Variants in PCLO observed in about 807,000 individuals in gnomAD.
The protein encoded by PCLO is protein piccolo.
In PCLO, 82 loss-of-function variants were observed where a neutral mutation model predicts 427.5. The observed-to-expected ratio is 0.19, with a 90% CI of 0.16 to 0.23. The LOEUF (loss-of-function observed/expected upper bound fraction) is 0.23. PCLO is among the 10% of genes least tolerant of loss of function. The probability of loss-of-function intolerance (pLI) is 1.00; values close to 1 mark genes in which losing one functional copy is unlikely to be tolerated. For synonymous variants in PCLO, 2,357 were observed against 2,155.4 expected, an observed-to-expected ratio of 1.09 and a Z score of -2.59; for missense variants, 6,239 against 6,115.9, an observed-to-expected ratio of 1.02 and a Z score of -0.67.
At chr7:82,882,483 G>A (rs1465250229) in intron 9 of PCLO, among the ~76,000 whole-genome samples, 2 of 152,058 alleles carry the variant, frequency 1.3e-5, no homozygotes. Context: ...TTCACAGTAT[G>A]ACAGCATACA....
intron 3 of PCLO, among the ~76,000 whole-genome samples, chr7:82,978,587 G>A (rs141376617): frequency 3.0e-4 from 46 of 151,880 alleles, no homozygotes; most frequent in African/African-American, 1.1e-3. Flanking sequence ...GCAAAAATAC[G>A]ATGAATATAT....
In PCLO at chr7:82,935,872, C is replaced by G. The variant is rs116713492; in HGVS notation, c.11112+13604G>C. ...AGCTGGCAAAAACTGACAGAATCAA[C>G]CTTTCTGGAACTCTGGAATCCAATC... On this transcript the variant is annotated intron_variant, in intron 6 of 24. Transcript: ENST00000333891. Among the ~76,000 whole-genome samples the G allele has an allele frequency of 6.4e-3, 973 of 151,758 alleles. 15 individuals carry two copies. The highest frequency in any genetic ancestry group is 0.022 in the African/African-American group (911 of 41,506).
chr7:83,024,485 C>G lies in PCLO; in HGVS notation c.3301-57998G>C, dbSNP rs371896069. ...CACGGAGTCTCGCTGATTGCTAGCA[C>G]GGCAGTCTGAGATCAGACTGCAATG... On this transcript the variant is annotated intron_variant, in intron 3 of 24. Transcript: ENST00000333891. Among the ~76,000 whole-genome samples, 25 of 152,272 alleles carry G rather than the reference C, an allele frequency of 1.6e-4. 1 individual carries two copies. The South Asian group carries it at 5.2e-3, about 32-fold the overall frequency.
chr7:83,092,386 A>C (rs1481516845), intron 3 of PCLO, among the ~76,000 whole-genome samples: 1 of 119,814 alleles, frequency 8.3e-6, no homozygotes, highest in Non-Finnish European at 1.8e-5. Flanking sequence ...GTGAAGACCC[A>C]TGGACCCGGC....
At chr7:83,038,012 TATATATATATATA>T (rs1788846141) in intron 3 of PCLO, among the ~76,000 whole-genome samples, 1 of 46,650 alleles carries the variant, frequency 2.1e-5, no homozygotes, top group Non-Finnish European at 3.4e-5. Context: ...TATATATATA[TATATATATATATA>T]TATATTTATA....
intron 7 of PCLO, chr7:82,914,216 T>A (rs867061951): frequency 2.0e-5 from 5 of 254,724 alleles, no homozygotes; most frequent in Middle Eastern, 2.6e-3. Context: ...ACTGATCTCA[T>A]AAACATGCCA....
At chr7:83,140,151 C>G (rs1242443464) in intron 2 of PCLO, among the ~76,000 whole-genome samples, 5 of 152,072 alleles carry the variant, frequency 3.3e-5, no homozygotes, top group Non-Finnish European at 7.4e-5. Flanking sequence ...CTCAGTTACC[C>G]AAGTTCAAAA....
At chr7:82,845,563 G>A (rs1409017715) in intron 12 of PCLO, 78 bp from the exon 13 acceptor site, 2 of 934,968 alleles carry the variant, frequency 2.1e-6, no homozygotes, top group Non-Finnish European at 1.7e-6. Flanking sequence ...TGAGTTCTAG[G>A]TGACAAAGGT....
At chr7:82,998,534 G>A (rs1013249574) in intron 3 of PCLO, among the ~76,000 whole-genome samples, 1 of 151,852 alleles carries the variant, frequency 6.6e-6, no homozygotes, top group African/African-American at 2.4e-5. Context: ...ACTTCCACAT[G>A]GGAAAAGAAA....
Position 82,921,675 on chromosome 7 carries a change from A to G in PCLO, c.11113-4802T>C, listed in dbSNP as rs559862421. Among the ~76,000 whole-genome samples the G allele has an allele frequency of 1.9e-4, 29 of 152,212 alleles. No homozygotes were observed. The South Asian group carries it at 5.8e-3, about 30-fold the overall frequency. Reference sequence around the variant, plus strand: ...AAACGTAGGAAATGCAATTCTGAACATAAGACTTGGCAAAGATTTCATGAT... The same window carrying G: ...AAACGTAGGAAATGCAATTCTGAACGTAAGACTTGGCAAAGATTTCATGAT... On this transcript the variant is annotated intron_variant, in intron 6 of 24. Coordinates refer to ENST00000333891, the MANE Select transcript of PCLO (RefSeq NM_033026.6).
chr7:82,817,541 AC>A (rs987113820), intron 20 of PCLO, among the ~76,000 whole-genome samples: 1 of 151,906 alleles, frequency 6.6e-6, no homozygotes, highest in Non-Finnish European at 1.5e-5. Flanking sequence ...AAACCCATCC[AC>A]CCACTACCAC....
chr7:83,065,442 TC>T lies in PCLO; in HGVS notation c.3300+68807del, dbSNP rs1419987659. 4.0e-5 allele frequency among the ~76,000 whole-genome samples: 6 copies of T among 150,890 alleles called. No homozygotes were observed. The East Asian group carries it at 1.2e-3, about 30-fold the overall frequency. ...ACAATTTTGTGGGGGAGTTTTTTTTTCCATTTGGTTTGAGTGTTCTCAAGAG... is the reference window on the plus strand; with the variant it reads ...ACAATTTTGTGGGGGAGTTTTTTTTTCATTTGGTTTGAGTGTTCTCAAGAG... On this transcript the variant is annotated intron_variant, in intron 3 of 24. Coordinates refer to ENST00000333891, the MANE Select transcript of PCLO (RefSeq NM_033026.6).
chr7:82,827,843 T>C (rs777431645), intron 17 of PCLO, 30 bp downstream of exon 17: 4 of 1,208,530 alleles, frequency 3.3e-6, no homozygotes. Context: ...ATTAGCCTAA[T>C]TCTGTCACCT....
chr7:83,012,571 C>T (rs865813757), intron 3 of PCLO, among the ~76,000 whole-genome samples: 1 of 133,810 alleles, frequency 7.5e-6, no homozygotes, highest in African/African-American at 2.9e-5. Flanking sequence ...GAGCCGAGAT[C>T]GCACAATTGC....
At position 82,878,580 on chromosome 7, in the gene PCLO, A is replaced by G. The variant is rs1254175051; in HGVS notation, c.13654+757T>C. 4.6e-5 allele frequency among the ~76,000 whole-genome samples: 7 copies of G among 152,144 alleles called. No individual in the cohort carries two copies. The East Asian group carries it at 1.4e-3, about 29-fold the overall frequency. On this transcript the variant is annotated intron_variant, in intron 10 of 24. Transcript: ENST00000333891. The stretch of plus-strand genomic sequence containing the variant: ...TGATTGACAATTGAAAATTTTCATT[A>G]TGTATTTTGAGAATCTAGGTCTAAT...
At chr7:82,780,054 T>A (rs1790839967) in intron 22 of PCLO, among the ~76,000 whole-genome samples, 1 of 152,212 alleles carries the variant, frequency 6.6e-6, no homozygotes, top group Non-Finnish European at 1.5e-5. Context: ...ATTGTAAACC[T>A]CTTTCTCACT....
At chr7:82,814,792 T>A (rs955511884) in intron 20 of PCLO, among the ~76,000 whole-genome samples, 10 of 151,976 alleles carry the variant, frequency 6.6e-5, no homozygotes, top group Admixed American at 2.6e-4. Flanking sequence ...CATGTTAATC[T>A]TCTCAAGAAT....
chr7:83,116,447 T>C (rs1476172808), intron 3 of PCLO, among the ~76,000 whole-genome samples: 2 of 152,194 alleles, frequency 1.3e-5, no homozygotes, highest in Non-Finnish European at 2.9e-5. Context: ...ACTGTTTCTT[T>C]TGTTCAGTAA....
intron 2 of PCLO, among the ~76,000 whole-genome samples, chr7:83,141,333 T>C (rs1199351497): frequency 1.3e-5 from 2 of 152,206 alleles, no homozygotes; most frequent in Admixed American, 6.5e-5. Context: ...CCAGACTTTA[T>C]ATGACAAATA....
Sources: allele counts gnomAD v4.1 joint callset (sites outside exome capture counted in the v4.1 genomes callset), GRCh38; gene constraint gnomAD v4.1.1; transcripts MANE v1.5; gene names NCBI Gene and HGNC (gene_info 2026-07-23, HGNC 2026-07-21).